Variants in PIK3CB observed in about 807,000 individuals in gnomAD.
The protein encoded by PIK3CB is phosphatidylinositol 4,5-bisphosphate 3-kinase catalytic subunit beta isoform.
In PIK3CB, 39 loss-of-function variants were observed where a neutral mutation model predicts 136.8. The ratio of observed to expected loss-of-function variants is 0.29; its 90% confidence interval spans 0.22 to 0.37. The LOEUF is 0.37. PIK3CB is among the 10% of genes least tolerant of loss of function. The probability of loss-of-function intolerance (pLI) is 1.00; values close to 1 mark genes in which losing one functional copy is unlikely to be tolerated. For missense variants in PIK3CB, 868 were observed against 1,275.4 expected (o/e 0.68, Z 4.87); for synonymous variants, 428 against 436.6 (o/e 0.98, Z 0.25).
chr3:138,778,309 C>A, intron 2 of PIK3CB: 1 of 356,620 alleles, frequency 2.8e-6, no homozygotes. Flanking sequence ...TGGCCAAGAT[C>A]ACCCATGACA....
rs2043141432 is a variant in PIK3CB, at chr3:138,652,766, T to C, written c.*2623A>G. On this transcript the variant is annotated 3_prime_UTR_variant, in exon 24 of 24. Transcript: ENST00000674063. ...AAGAGTATAACTGGATTGTTTCTAA[T>C]ACAAAGGATAAATGCTTGAGGTAAT... 3 of 223,198 alleles carry C rather than the reference T, an allele frequency of 1.3e-5. No individual in the cohort carries two copies. Among genetic ancestry groups the C allele is most frequent in the African/African-American group, 6.7e-5 (3 of 44,832 alleles). 13.8% of individuals were successfully genotyped at this position (223,198 alleles called of 1,614,324 possible).
chr3:138,663,625 G>A (rs562427327), intron 21 of PIK3CB, among the ~76,000 whole-genome samples: 3 of 152,082 alleles, frequency 2.0e-5, no homozygotes, highest in South Asian at 4.2e-4. Context: ...CAGGTAATCC[G>A]GCCGGCTCGG....
At chr3:138,811,626 G>A (rs1487675312) in intron 1 of PIK3CB, among the ~76,000 whole-genome samples, 2 of 151,946 alleles carry the variant, frequency 1.3e-5, no homozygotes, top group Admixed American at 6.6e-5. Context: ...GGGTCTCACC[G>A]TGTTAGCCAG....
chr3:138,827,198 C>A (rs1933818791), intron 1 of PIK3CB, among the ~76,000 whole-genome samples: 1 of 152,124 alleles, frequency 6.6e-6, no homozygotes, highest in African/African-American at 2.4e-5. Context: ...CTCAAAAGGA[C>A]AAAACAAGGT....
intron 8 of PIK3CB, among the ~76,000 whole-genome samples, chr3:138,718,700 C>T (rs1359097905): frequency 6.6e-6 from 1 of 151,986 alleles, no homozygotes; most frequent in African/African-American, 2.4e-5. Context: ...GTCTTTAATC[C>T]ACCTTGAGTT....
chr3:138,755,946 A>C lies in PIK3CB; in HGVS notation c.205T>G (p.Phe69Val). Residue 69 changes from phenylalanine to valine, a missense_variant, in exon 4 of 24, where the codon TTC (phenylalanine) becomes GTC (valine). Transcript: ENST00000674063. ...LWKQVHNYPM[F>V]NLLMDIDSYM... ...GAGTCAATATCCATAAGGAGGTTGA[A>C]CATTGGGTAATTGTGAACTTGCTTC... 2 of 1,608,508 alleles carry C rather than the reference A, an allele frequency of 1.2e-6. No homozygotes were observed. The highest frequency in any genetic ancestry group is 1.7e-6 in the Non-Finnish European group (2 of 1,176,036).
At chr3:138,765,271 G>A (rs2045717600) in intron 2 of PIK3CB, among the ~76,000 whole-genome samples, 1 of 152,072 alleles carries the variant, frequency 6.6e-6, no homozygotes, top group South Asian at 2.1e-4. Flanking sequence ...AAGCCAAGAT[G>A]ATGCCACTGC....
chr3:138,820,080 T>A lies in PIK3CB; in HGVS notation c.-122+14615A>T, dbSNP rs1009671122. On this transcript the variant is annotated intron_variant, in intron 1 of 23. Coordinates refer to ENST00000674063, the MANE Select transcript of PIK3CB (RefSeq NM_006219.3). ...CAAATAGGTTTTCACCTATGTGAAC[T>A]GAAAATTGATGATCTTACAGGACAC... Among the ~76,000 whole-genome samples the A allele has an allele frequency of 2.0e-4, 30 of 152,348 alleles. No individual in the cohort carries two copies. In the East Asian group the frequency reaches 2.9e-3, roughly 15 times the overall value.
At chr3:138,790,608 T>C (rs1223678548) in intron 2 of PIK3CB, among the ~76,000 whole-genome samples, 1 of 145,810 alleles carries the variant, frequency 6.9e-6, no homozygotes, top group Non-Finnish European at 1.5e-5. Context: ...ATTGAGACCA[T>C]CCTGGCTAAC....
chr3:138,756,057 G>C, intron 3 of PIK3CB, 78 bp from the exon 4 acceptor site: 2 of 628,062 alleles, frequency 3.2e-6, no homozygotes, highest in Non-Finnish European at 5.5e-6. Flanking sequence ...GCTCACTGCA[G>C]CACTGTTTGT....
At chr3:138,742,134 C>T (rs1446101937) in intron 5 of PIK3CB, among the ~76,000 whole-genome samples, 1 of 152,174 alleles carries the variant, frequency 6.6e-6, no homozygotes, top group Non-Finnish European at 1.5e-5. Context: ...CAATAAGGAA[C>T]ACTATCTAGA....
chr3:138,732,632 A>T (rs1295396489), intron 8 of PIK3CB, among the ~76,000 whole-genome samples: 1 of 151,986 alleles, frequency 6.6e-6, no homozygotes, highest in African/African-American at 2.4e-5. Flanking sequence ...CCATGTGTTA[A>T]CAACTTGTGG....
rs1297721119 is a variant in PIK3CB, at chr3:138,653,036, C to T, written c.*2353G>A. On this transcript the variant is annotated 3_prime_UTR_variant, in exon 24 of 24. Transcript: ENST00000674063. ...GTCACTTACCCAGGAATCTAACAAA[C>T]GATGCATAATATGTAAACACAGAAT... is the stretch of plus-strand genomic sequence containing the variant. The T allele has an allele frequency of 2.4e-5, 5 of 204,902 alleles. No individual in the cohort carries two copies. The highest frequency in any genetic ancestry group is 5.0e-5 in the Non-Finnish European group (5 of 100,318). 12.7% of individuals were successfully genotyped at this position (204,902 alleles called of 1,614,324 possible). A position where few individuals can be genotyped will look rare whatever the true frequency, so the allele number is the denominator to read the frequency against.
intron 2 of PIK3CB, among the ~76,000 whole-genome samples, chr3:138,786,101 T>A (rs1026921764): frequency 9.9e-5 from 15 of 152,142 alleles, no homozygotes; most frequent in African/African-American, 3.4e-4. Context: ...TCAAATAAAA[T>A]AAAATAAAAG....
intron 2 of PIK3CB, among the ~76,000 whole-genome samples, chr3:138,784,844 C>T (rs1323220335): frequency 1.3e-5 from 2 of 152,206 alleles, no homozygotes; most frequent in Non-Finnish European, 2.9e-5. Context: ...CTCTGCCCGG[C>T]CGCCACCCCG....
At chr3:138,711,225 GAA>G (rs55666741) in intron 10 of PIK3CB, among the ~76,000 whole-genome samples, 11 of 145,684 alleles carry the variant, frequency 7.6e-5, no homozygotes, top group Admixed American at 2.0e-4. Context: ...AAAAAAAAAA[GAA>G]AAAAAAAACC....
At chr3:138,685,913 G>A (rs2043881627) in intron 16 of PIK3CB, among the ~76,000 whole-genome samples, 1 of 152,170 alleles carries the variant, frequency 6.6e-6, no homozygotes, top group Admixed American at 6.6e-5. Context: ...GAGGCAAGTG[G>A]ATGAGTTGAG....
chr3:138,819,223 T>C (rs1304070354), intron 1 of PIK3CB, among the ~76,000 whole-genome samples: 4 of 152,172 alleles, frequency 2.6e-5, no homozygotes, highest in African/African-American at 9.7e-5. Context: ...GGCACGTGCC[T>C]GTAGTCCCAG....
chr3:138,826,405 A>G, intron 1 of PIK3CB: 1 of 1,351,230 alleles, frequency 7.4e-7, no homozygotes, highest in Non-Finnish European at 1.0e-6. Context: ...TGTTTCAATC[A>G]GCCATTTAGG....
Sources: allele counts gnomAD v4.1 joint callset (sites outside exome capture counted in the v4.1 genomes callset), GRCh38; gene constraint gnomAD v4.1.1; transcripts MANE v1.5; gene names NCBI Gene and HGNC (gene_info 2026-07-23, HGNC 2026-07-21).